DOK6: variants seen among roughly 807,000 people sequenced by gnomAD.
DOK6 encodes downstream of tyrosine kinase 6.
DOK6 carries 22 observed loss-of-function variants against 44.0 expected under a neutral mutation model. The ratio of observed to expected loss-of-function variants is 0.50; its 90% confidence interval spans 0.36 to 0.71. The LOEUF (loss-of-function observed/expected upper bound fraction) is 0.71, where lower values mean the gene tolerates loss of function less well. DOK6 is among the 30% of genes least tolerant of loss of function. The pLI is 0.00. For synonymous variants in DOK6, 166 were observed against 145.5 expected (o/e 1.14, Z -1.01); for missense variants, 340 against 416.4 (o/e 0.82, Z 1.60).
intron 1 of DOK6, among the ~76,000 whole-genome samples, chr18:69,412,034 T>A (rs1003265814): frequency 1.3e-5 from 2 of 152,192 alleles, no homozygotes; most frequent in African/African-American, 4.8e-5. Context: ...AATTATCATT[T>A]GGTTCATTTA....
At chr18:69,401,334 C>G (rs375656195) in intron 1 of DOK6, 24 bp downstream of exon 1, 3 of 1,492,608 alleles carry the variant, frequency 2.0e-6, no homozygotes, top group Non-Finnish European at 2.7e-6. Flanking sequence ...TCGGCTTGCT[C>G]CTTCCCCGGC....
chr18:69,529,372 C>T (rs940116596), intron 1 of DOK6, among the ~76,000 whole-genome samples: 5 of 152,110 alleles, frequency 3.3e-5, no homozygotes, highest in Admixed American at 2.6e-4. Flanking sequence ...TTTATGTCTT[C>T]ATCTCATATT....
intron 1 of DOK6, among the ~76,000 whole-genome samples, chr18:69,409,661 C>T (rs1185334128): frequency 6.6e-6 from 1 of 152,110 alleles, no homozygotes; most frequent in Non-Finnish European, 1.5e-5. Context: ...TTGGTCTTTA[C>T]TTGGAAAAAT....
intron 2 of DOK6, among the ~76,000 whole-genome samples, chr18:69,574,663 T>C (rs961795279): frequency 1.3e-5 from 2 of 152,082 alleles, no homozygotes; most frequent in Non-Finnish European, 2.9e-5. Context: ...GTGGGAAAGA[T>C]GAGCCCAAAA....
intron 3 of DOK6, among the ~76,000 whole-genome samples, chr18:69,607,619 G>A (rs551915306): frequency 6.6e-6 from 1 of 152,104 alleles, no homozygotes; most frequent in South Asian, 2.1e-4. Context: ...TTTTACTTTT[G>A]GAGTAGGGAA....
At chr18:69,701,609 T>A (rs1360082118) in intron 5 of DOK6, among the ~76,000 whole-genome samples, 4 of 152,210 alleles carry the variant, frequency 2.6e-5, no homozygotes, top group Admixed American at 2.6e-4. Flanking sequence ...CCTGATCTTT[T>A]GTATGAATTA....
intron 3 of DOK6, among the ~76,000 whole-genome samples, chr18:69,646,128 C>T (rs1262230213): frequency 6.6e-6 from 1 of 152,066 alleles, no homozygotes; most frequent in Non-Finnish European, 1.5e-5. Context: ...ATGTAATAGA[C>T]CCCTTCAAAA....
chr18:69,489,769 G>T (rs1980683548), intron 1 of DOK6, among the ~76,000 whole-genome samples: 1 of 151,872 alleles, frequency 6.6e-6, no homozygotes, highest in Admixed American at 6.6e-5. Flanking sequence ...TACACGATTT[G>T]GTATGTCTTA....
intron 5 of DOK6, among the ~76,000 whole-genome samples, chr18:69,700,174 G>A (rs1250628147): frequency 6.9e-6 from 1 of 144,226 alleles, no homozygotes; most frequent in East Asian, 2.1e-4. Context: ...GATTTGGGTG[G>A]GGACAGAGTC....
intron 5 of DOK6, among the ~76,000 whole-genome samples, chr18:69,725,653 A>G (rs1340374426): frequency 6.6e-6 from 1 of 151,960 alleles, no homozygotes; most frequent in East Asian, 1.9e-4. Flanking sequence ...ACATCCAGCC[A>G]ATTTTTGTAT....
At chr18:69,405,335 A>G (rs1916182553) in intron 1 of DOK6, among the ~76,000 whole-genome samples, 1 of 152,196 alleles carries the variant, frequency 6.6e-6, no homozygotes. Context: ...AATAAATAGA[A>G]ATAGCTGGAC....
chr18:69,684,622 C>G (rs1986111393), intron 4 of DOK6, among the ~76,000 whole-genome samples: 1 of 152,066 alleles, frequency 6.6e-6, no homozygotes, highest in African/African-American at 2.4e-5. Flanking sequence ...AGAAATAGAT[C>G]CCTTCCTTGC....
intron 1 of DOK6, among the ~76,000 whole-genome samples, chr18:69,403,585 T>C (rs937819834): frequency 6.6e-6 from 1 of 152,230 alleles, no homozygotes; most frequent in African/African-American, 2.4e-5. Context: ...ACTTCAAAGT[T>C]AGATATTGAA....
chr18:69,606,757 ATTTT>A (rs71176989), intron 3 of DOK6, among the ~76,000 whole-genome samples: 18 of 115,144 alleles, frequency 1.6e-4, no homozygotes, highest in Admixed American at 3.1e-4. Context: ...TTCAAAAAGG[ATTTT>A]TTTTTTTTTT....
intron 1 of DOK6, among the ~76,000 whole-genome samples, chr18:69,512,323 T>G (rs922819970): frequency 2.3e-5 from 3 of 128,834 alleles, no homozygotes; most frequent in Non-Finnish European, 4.9e-5. Context: ...TCGTCTTTGC[T>G]TTCTTCTTCT....
chr18:69,527,489 A>G lies in DOK6; in HGVS notation c.67-36998A>G, dbSNP rs139760284. On this transcript the variant is annotated intron_variant, in intron 1 of 7. Transcript: ENST00000382713. ...CTGAGAACTTACTCACTTTCATCAGAACAGCATGGTGGTAACTGCCCCCGT... is the reference window on the plus strand; with the variant it reads ...CTGAGAACTTACTCACTTTCATCAGGACAGCATGGTGGTAACTGCCCCCGT... Among the ~76,000 whole-genome samples the G allele has an allele frequency of 4.9e-3, 742 of 152,260 alleles. 11 individuals are homozygous for G. Among genetic ancestry groups the G allele is most frequent in the African/African-American group, 0.017 (703 of 41,546 alleles).
At chr18:69,505,116 G>A (rs569111010) in intron 1 of DOK6, among the ~76,000 whole-genome samples, 19 of 152,146 alleles carry the variant, frequency 1.2e-4, no homozygotes, top group Admixed American at 2.6e-4. Context: ...GTCACATCCC[G>A]TCATGCATAT....
chr18:69,546,677 G>T (rs773387678), intron 1 of DOK6, among the ~76,000 whole-genome samples: 3 of 151,456 alleles, frequency 2.0e-5, no homozygotes, highest in Non-Finnish European at 4.4e-5. Flanking sequence ...TTTTTTATTG[G>T]TACATAATAT....
intron 1 of DOK6, among the ~76,000 whole-genome samples, chr18:69,528,523 T>C (rs191038602): frequency 3.3e-5 from 5 of 152,302 alleles, no homozygotes; most frequent in African/African-American, 9.6e-5. Context: ...TTCCCTGAAG[T>C]ATAGCCTGAC....
Sources: allele counts gnomAD v4.1 joint callset (sites outside exome capture counted in the v4.1 genomes callset), GRCh38; gene constraint gnomAD v4.1.1; transcripts MANE v1.5; gene names NCBI Gene and HGNC (gene_info 2026-07-23, HGNC 2026-07-21).